Variants in PDE9A observed in about 807,000 individuals in gnomAD.
The protein encoded by PDE9A is high affinity cGMP-specific 3',5'-cyclic phosphodiesterase 9A.
In PDE9A, 60 loss-of-function variants were observed where a neutral mutation model predicts 87.4. That is an observed-to-expected ratio of 0.69 (90% CI 0.56 to 0.85). PDE9A has a LOEUF of 0.85. PDE9A is among the 40% of genes least tolerant of loss of function. PDE9A has a pLI of 0.00. For synonymous variants in PDE9A, 272 were observed against 279.4 expected (o/e 0.97, Z 0.27); for missense variants, 665 against 779.0 (o/e 0.85, Z 1.74).
At chr21:42,728,884 C>G (rs866541834) in intron 4 of PDE9A, among the ~76,000 whole-genome samples, 38 of 151,846 alleles carry the variant, frequency 2.5e-4, no homozygotes, top group African/African-American at 8.0e-4. Context: ...ACCTATAATC[C>G]CAGCTACTCA....
chr21:42,688,352 G>A (rs1358701221), intron 3 of PDE9A, among the ~76,000 whole-genome samples: 1 of 151,994 alleles, frequency 6.6e-6, no homozygotes, highest in Non-Finnish European at 1.5e-5. Context: ...TCCCTACAGA[G>A]CCCCTGGGGA....
At chr21:42,673,110 A>G (rs1406543574) in intron 1 of PDE9A, among the ~76,000 whole-genome samples, 2 of 152,138 alleles carry the variant, frequency 1.3e-5, no homozygotes, top group Non-Finnish European at 2.9e-5. Context: ...TCCTCCTAAC[A>G]TTCCTGTGGG....
At position 42,760,183 on chromosome 21, in the gene PDE9A, G is replaced by A. The variant is rs1006458825; in HGVS notation, c.898-145G>A. The A allele has an allele frequency of 5.2e-5, 33 of 630,072 alleles. No individual in the cohort carries two copies. Among genetic ancestry groups the A allele is most frequent in the Middle Eastern group, 2.9e-4 (1 of 3,438 alleles). 39.0% of individuals were successfully genotyped at this position (630,072 alleles called of 1,614,324 possible). A position where few individuals can be genotyped will look rare whatever the true frequency, so the allele number is the denominator to read the frequency against. ...CTGTGTCACCTCATTGGTACCTGTGGTAAACCTGGAACACTGTTGACCTCT... is the reference window on the plus strand; with the variant it reads ...CTGTGTCACCTCATTGGTACCTGTGATAAACCTGGAACACTGTTGACCTCT... On this transcript the variant is annotated intron_variant, in intron 11 of 19. Coordinates refer to ENST00000291539, the MANE Select transcript of PDE9A (RefSeq NM_002606.3). The surrounding 1 kb of genome is among the most constrained non-coding windows in gnomAD (Gnocchi z 5.2).
chr21:42,681,358 G>A (rs1249290766), intron 1 of PDE9A, among the ~76,000 whole-genome samples: 1 of 152,256 alleles, frequency 6.6e-6, no homozygotes, highest in Non-Finnish European at 1.5e-5. Flanking sequence ...GTCAGTGTAT[G>A]CTGTGATCAA....
intron 8 of PDE9A, among the ~76,000 whole-genome samples, chr21:42,747,476 T>C (rs2053985531): frequency 6.6e-6 from 1 of 152,242 alleles, no homozygotes; most frequent in African/African-American, 2.4e-5. Context: ...TCAGCCCACA[T>C]AGCACACCCT....
In PDE9A at chr21:42,760,653, A is replaced by AC. The variant is rs2055628267; in HGVS notation, c.1003-165dup. On this transcript the variant is annotated intron_variant, in intron 12 of 19. Transcript: ENST00000291539. This position sits in a 1 kb window ranked among gnomAD's most constrained non-coding sequence, Gnocchi z 5.2. ...GAGCAGGTGAGTCCCCGACCTGGTC[A>AC]CCCCCCCAACCCCCACAGGCAGGCC... Among the ~76,000 whole-genome samples the AC allele has an allele frequency of 6.7e-6, 1 of 149,630 alleles. No homozygotes were observed. Among genetic ancestry groups the AC allele is most frequent in the South Asian group, 2.2e-4 (1 of 4,588 alleles).
rs373565834 is a variant in PDE9A, at chr21:42,759,402, CGTGT to C, written c.897+327_897+330del. On this transcript the variant is annotated intron_variant, in intron 11 of 19. Transcript: ENST00000291539. This position sits in a 1 kb window ranked among gnomAD's most constrained non-coding sequence, Gnocchi z 7.2. ...GGGAGCGTGTGTGTGTGTGTGGGAG[CGTGT>C]GTGTGTGTGAGAGTGAGTATGGGGG... is the stretch of plus-strand genomic sequence containing the variant. Among the ~76,000 whole-genome samples the C allele has an allele frequency of 6.4e-3, 847 of 132,678 alleles. 13 individuals are homozygous for C. The highest frequency in any genetic ancestry group is 0.023 in the African/African-American group (801 of 34,288). The allele number at this position is 132,678 out of a possible 152,430, so 87.0% of individuals were successfully genotyped here.
In PDE9A at chr21:42,773,259, C is replaced by CA. The variant is rs10552392; in HGVS notation, c.1768+759dup. ...CCTGGAGAACAGTGAGACTCCATCT[C>CA]AAAAAAAAAAAAAAAAAAAAGTGAG... On this transcript the variant is annotated intron_variant, in intron 19 of 19. Coordinates refer to ENST00000291539, the MANE Select transcript of PDE9A (RefSeq NM_002606.3). 1.0e-2 allele frequency among the ~76,000 whole-genome samples: 838 copies of CA among 84,072 alleles called. 18 individuals carry two copies. Among genetic ancestry groups the CA allele is most frequent in the African/African-American group, 0.028 (623 of 22,388 alleles). The allele number at this position is 84,072 out of a possible 152,430, so 55.2% of individuals were successfully genotyped here. A position where few individuals can be genotyped will look rare whatever the true frequency, so the allele number is the denominator to read the frequency against.
intron 1 of PDE9A, among the ~76,000 whole-genome samples, chr21:42,654,849 C>T (rs1414203280): frequency 6.6e-6 from 1 of 152,152 alleles, no homozygotes; most frequent in Non-Finnish European, 1.5e-5. Flanking sequence ...AAAGTACAGC[C>T]CTCTCCCACC....
rs1222022456 is a variant in PDE9A, at chr21:42,760,357, C to A, written c.927C>A (p.Asn309Lys). The change falls in exon 12 of 20, where the codon AAC becomes AAA. Residue 309 changes from asparagine (N) to lysine (K), a missense_variant. By Grantham distance (94) the Asn-to-Lys change is moderately conservative. Transcript: ENST00000291539. This position sits in a 1 kb window ranked among gnomAD's most constrained non-coding sequence, Gnocchi z 5.2. ...GCGTCCACGACAACTACAGAAACAA[C>A]CCCTTCCACAACTTCCGGCACTGCT... The part of the protein sequence containing the change: ...LFCVHDNYRN[N>K]PFHNFRHCFC... The A allele has an allele frequency of 1.2e-6, 2 of 1,609,872 alleles. No homozygotes were observed. Among genetic ancestry groups the A allele is most frequent in the Non-Finnish European group, 1.7e-6 (2 of 1,178,938 alleles).
intron 1 of PDE9A, among the ~76,000 whole-genome samples, chr21:42,670,647 TCATTCACACA>T (rs1427477195): frequency 2.7e-5 from 4 of 150,632 alleles, no homozygotes; most frequent in Admixed American, 2.0e-4. Flanking sequence ...TTACAAACTA[TCATTCACACA>T]CATACACACA....
Position 42,726,594 on chromosome 21 carries a change from A to G in PDE9A, c.263-5176A>G, listed in dbSNP as rs995292909. 3.7e-3 allele frequency among the ~76,000 whole-genome samples: 102 copies of G among 27,916 alleles called. 6 individuals are homozygous for G. Among genetic ancestry groups the G allele is most frequent in the African/African-American group, 0.023 (98 of 4,280 alleles). 18.3% of individuals were successfully genotyped at this position (27,916 alleles called of 152,430 possible). A position where few individuals can be genotyped will look rare whatever the true frequency, so the allele number is the denominator to read the frequency against. ...TTACTGAATGCCACCACGCCTGGCC[A>G]TATATATATATATATATATATATAT... On this transcript the variant is annotated intron_variant, in intron 4 of 19. Transcript: ENST00000291539.
At chr21:42,753,548 C>T (rs2054656774) in intron 9 of PDE9A, among the ~76,000 whole-genome samples, 1 of 152,170 alleles carries the variant, frequency 6.6e-6, no homozygotes, top group Admixed American at 6.5e-5. Flanking sequence ...GCCTGTGAGT[C>T]TGACGCAGGT....
At chr21:42,699,172 AATCTGC>A in intron 4 of PDE9A, 161 bp downstream of exon 4, 1 of 586,026 alleles carries the variant, frequency 1.7e-6, no homozygotes. Flanking sequence ...TAAGCATTTG[AATCTGC>A]ATTTGAAGCC....
intron 10 of PDE9A, chr21:42,758,719 C>T (rs1032103159): frequency 3.9e-5 from 15 of 388,492 alleles, no homozygotes; most frequent in Admixed American, 2.0e-4. Flanking sequence ...TCCTTGACTT[C>T]GGAACTGGCC....
Position 42,694,311 on chromosome 21 carries a change from A to G in PDE9A, c.219-4657A>G, listed in dbSNP as rs577690905. On this transcript the variant is annotated intron_variant, in intron 3 of 19. Coordinates refer to ENST00000291539, the MANE Select transcript of PDE9A (RefSeq NM_002606.3). The surrounding 1 kb of genome is among the most constrained non-coding windows in gnomAD (Gnocchi z 5.3). ...GTCACCTCACTGTCCCCCCAGCCTCAGGCCCAGGAACCATGTCTTTGGAGG... is the reference window on the plus strand; with the variant it reads ...GTCACCTCACTGTCCCCCCAGCCTCGGGCCCAGGAACCATGTCTTTGGAGG... 9.2e-5 allele frequency among the ~76,000 whole-genome samples: 14 copies of G among 152,264 alleles called. 1 individual carries two copies. The South Asian group carries it at 2.7e-3, about 29-fold the overall frequency.
intron 1 of PDE9A, among the ~76,000 whole-genome samples, chr21:42,666,249 T>G (rs2057984360): frequency 6.6e-6 from 1 of 152,162 alleles, no homozygotes; most frequent in African/African-American, 2.4e-5. Context: ...CTTGCTGTCC[T>G]TGGACTTGGG....
intron 2 of PDE9A, among the ~76,000 whole-genome samples, chr21:42,686,574 A>G (rs2059487801): frequency 6.6e-6 from 1 of 151,920 alleles, no homozygotes; most frequent in South Asian, 2.1e-4. Flanking sequence ...CAACACTTTG[A>G]GAGGCCGAGG....
At position 42,704,996 on chromosome 21, in the gene PDE9A, GC is replaced by G. The variant is rs1330469807; in HGVS notation, c.262+5987del. On this transcript the variant is annotated intron_variant, in intron 4 of 19. Coordinates refer to ENST00000291539, the MANE Select transcript of PDE9A (RefSeq NM_002606.3). This position sits in a 1 kb window ranked among gnomAD's most constrained non-coding sequence, Gnocchi z 5.3. ...ACTTTTCATAGAAAAGGGAGAATAG[GC>G]CAGCCCTGGCCTGGGTCCACAACCC... 1.3e-5 allele frequency among the ~76,000 whole-genome samples: 2 copies of G among 152,228 alleles called. No homozygotes were observed. The highest frequency in any genetic ancestry group is 3.8e-4 in the East Asian group (2 of 5,202).
Sources: allele counts gnomAD v4.1 joint callset (sites outside exome capture counted in the v4.1 genomes callset), GRCh38; gene constraint gnomAD v4.1.1; non-coding constraint Gnocchi (gnomAD v3.1); transcripts MANE v1.5; gene names NCBI Gene and HGNC (gene_info 2026-07-23, HGNC 2026-07-21).